GLE1: variants seen among roughly 807,000 people sequenced by gnomAD.
The protein encoded by GLE1 is GLE1 RNA export mediator.
In GLE1, 78 loss-of-function variants were observed where a neutral mutation model predicts 97.3. The observed-to-expected ratio is 0.80, with a 90% CI of 0.67 to 0.97. The LOEUF is 0.97. Ranked by LOEUF, GLE1 falls within the 50% of genes least tolerant of loss-of-function variation. The pLI, the probability that GLE1 is intolerant of heterozygous loss-of-function variation, is 0.00. For synonymous variants in GLE1, 302 were observed against 313.4 expected, an observed-to-expected ratio of 0.96 and a Z score of 0.39; for missense variants, 753 against 857.5, an observed-to-expected ratio of 0.88 and a Z score of 1.52.
chr9:128,507,245 C>G (rs1054126580), intron 1 of GLE1, among the ~76,000 whole-genome samples: 1 of 151,872 alleles, frequency 6.6e-6, no homozygotes, highest in East Asian at 1.9e-4. Flanking sequence ...GCCCATAATC[C>G]CAACACTTTG....
intron 2 of GLE1, among the ~76,000 whole-genome samples, chr9:128,509,329 A>C (rs1395398468): frequency 6.6e-6 from 1 of 151,776 alleles, no homozygotes; most frequent in Non-Finnish European, 1.5e-5. Context: ...TTTCATGAGC[A>C]ATTGGATTTT....
rs1471094660 is a variant in GLE1, at chr9:128,515,403, T to G, written c.322-126T>G. The G allele has an allele frequency of 1.4e-5, 9 of 666,120 alleles. No individual in the cohort carries two copies. The East Asian group carries it at 2.4e-4, about 18-fold the overall frequency. 41.3% of individuals were successfully genotyped at this position (666,120 alleles called of 1,614,324 possible). ...CACACTAGTTCTGACCTAAATTTTT[T>G]TTTTGCTCTTGTTATTGGTGGTTGT... On this transcript the variant is annotated intron_variant, in intron 2 of 15. Transcript: ENST00000309971.
chr9:128,522,432 G>A (rs767215607), intron 3 of GLE1, among the ~76,000 whole-genome samples: 3 of 152,020 alleles, frequency 2.0e-5, no homozygotes, highest in Non-Finnish European at 4.4e-5. Context: ...CAAGGCAGGC[G>A]GATCACAAGG....
chr9:128,512,669 G>A (rs1378538332), intron 2 of GLE1, among the ~76,000 whole-genome samples: 1 of 151,672 alleles, frequency 6.6e-6, no homozygotes, highest in African/African-American at 2.4e-5. Context: ...AAATTGCTGA[G>A]GTCTTTTTTT....
chr9:128,523,212 A>G, intron 4 of GLE1, 68 bp from the exon 5 acceptor site: 1 of 1,175,676 alleles, frequency 8.5e-7, no homozygotes, highest in Non-Finnish European at 1.3e-6. Flanking sequence ...AGAGGGAGAG[A>G]AAAGAAAGAA....
At position 128,519,888 on chromosome 9, in the gene GLE1, C is replaced by A. The variant is rs550173266; in HGVS notation, c.433-2780C>A. On this transcript the variant is annotated intron_variant, in intron 3 of 15. Transcript: ENST00000309971. ...AGCTTTAAAATTTCTCTCTTTTGTA[C>A]TCTGTCCCTTTATTTTTCAAGCTGG... Among the ~76,000 whole-genome samples the A allele has an allele frequency of 7.9e-5, 12 of 152,264 alleles. No individual in the cohort carries two copies. In the East Asian group the frequency reaches 2.3e-3, roughly 29 times the overall value.
At chr9:128,513,588 C>T (rs1386162649) in intron 2 of GLE1, among the ~76,000 whole-genome samples, 1 of 151,718 alleles carries the variant, frequency 6.6e-6, no homozygotes, top group Non-Finnish European at 1.5e-5. Context: ...CTCATGCCTA[C>T]GGTCCCAGCT....
intron 9 of GLE1, among the ~76,000 whole-genome samples, chr9:128,529,188 G>A (rs925006503): frequency 1.3e-5 from 2 of 152,202 alleles, no homozygotes; most frequent in African/African-American, 4.8e-5. Context: ...GAGGTTGACT[G>A]GACAGCCACT....
At position 128,533,845 on chromosome 9, in the gene GLE1, C is replaced by G; in HGVS notation, c.1540C>G (p.Pro514Ala). Residue 514 changes from proline to alanine, a missense_variant, in exon 11 of 16, where the codon CCC becomes GCC. By Grantham distance (27) the Pro-to-Ala change is conservative. Transcript: ENST00000309971. ...VVASGIWELHPRVGDLILAHL... is the reference protein window; with the variant it reads ...VVASGIWELHARVGDLILAHL... ...GGCATCCGGGATCTGGGAGCTCCACCCCAGAGTGGGGGACCTCATTCTTGC... is the reference window on the plus strand; with the variant it reads ...GGCATCCGGGATCTGGGAGCTCCACGCCAGAGTGGGGGACCTCATTCTTGC... 6.2e-7 allele frequency: 1 copy of G among 1,613,310 alleles called. No individual in the cohort carries two copies.
At chr9:128,536,030 A>T (rs1847697672) in intron 11 of GLE1, among the ~76,000 whole-genome samples, 2 of 151,720 alleles carry the variant, frequency 1.3e-5, no homozygotes, top group South Asian at 4.2e-4. Context: ...GTCCCAGTGA[A>T]TTTTTTCTTA....
At chr9:128,506,258 T>G (rs997758138) in intron 1 of GLE1, among the ~76,000 whole-genome samples, 5 of 152,146 alleles carry the variant, frequency 3.3e-5, no homozygotes, top group African/African-American at 1.2e-4. Context: ...GGCATGAGAA[T>G]TGCTTGAACC....
rs745697997 is a variant in GLE1 at position 128,523,593 on chromosome 9, T to C, written c.644T>C (p.Ile215Thr). Residue 215 changes from isoleucine (I) to threonine (T), a missense_variant and splice_region_variant, in exon 6 of 16, where the codon ATT becomes ACT. Ile to Thr is a moderately conservative substitution (Grantham distance 89). Transcript: ENST00000309971. ...LKAEHRHRAK[I>T]LNLKLREAEQ... Reference sequence around the variant, plus strand: ...AAGTCACTCAGCCCTTTTCTACAGATTCTCAACCTGAAGCTGCGGGAAGCA... The same window carrying C: ...AAGTCACTCAGCCCTTTTCTACAGACTCTCAACCTGAAGCTGCGGGAAGCA... 4.3e-6 allele frequency: 7 copies of C among 1,613,902 alleles called. No homozygotes were observed. The African/African-American group carries it at 9.3e-5, about 22-fold the overall frequency.
chr9:128,523,573 A>T lies in GLE1; in HGVS notation c.643-19A>T, dbSNP rs1227207144. On this transcript the variant is annotated intron_variant, in intron 5 of 15. Transcript: ENST00000309971. ...CCCAGGAACCCCTCAGAGAGAAGTC[A>T]CTCAGCCCTTTTCTACAGATTCTCA... is the stretch of plus-strand genomic sequence containing the variant. 4 of 1,613,434 alleles carry T rather than the reference A, an allele frequency of 2.5e-6. No homozygotes were observed. In the African/African-American group the frequency reaches 4.0e-5, roughly 16 times the overall value.
rs778110977 is a variant in GLE1 at position 128,522,676 on chromosome 9, G to A, written c.441G>A (p.Leu147=). The A allele has an allele frequency of 6.2e-6, 10 of 1,607,978 alleles. No homozygotes were observed. The highest frequency in any genetic ancestry group is 1.7e-4 in the Middle Eastern group (1 of 6,058). Residue 147 remains leucine (L), a synonymous_variant, in exon 4 of 16, where the codon CTG becomes CTA. Coordinates refer to ENST00000309971, the MANE Select transcript of GLE1 (RefSeq NM_001003722.2). ...LVHRMKGTEG[L]RLWQEEQERK... The stretch of plus-strand genomic sequence containing the variant: ...AAAAAAAACCTTTTCAGGAGGGCCT[G>A]AGGCTATGGCAGGAGGAGCAGGAGA...
Position 128,541,605 on chromosome 9 carries a change from CT to C in GLE1, c.*439del. On this transcript the variant is annotated 3_prime_UTR_variant, in exon 16 of 16. Coordinates refer to ENST00000309971, the MANE Select transcript of GLE1 (RefSeq NM_001003722.2). ...AAAGAGCTAAGGCTCATAAGGTTCC[CT>C]TTTAAGTATTATTTAATAGTTGAGG... 5.4e-6 allele frequency: 1 copy of C among 185,210 alleles called. No individual in the cohort carries two copies. Among genetic ancestry groups the C allele is most frequent in the Non-Finnish European group, 1.1e-5 (1 of 87,386 alleles). 11.5% of individuals were successfully genotyped at this position (185,210 alleles called of 1,614,324 possible). A position where few individuals can be genotyped will look rare whatever the true frequency, so the allele number is the denominator to read the frequency against.
intron 2 of GLE1, among the ~76,000 whole-genome samples, chr9:128,514,530 C>T (rs1846922237): frequency 6.6e-6 from 1 of 151,016 alleles, no homozygotes; most frequent in Non-Finnish European, 1.5e-5. Flanking sequence ...GCAAGCTCCA[C>T]CTCCCAGGTT....
intron 3 of GLE1, among the ~76,000 whole-genome samples, chr9:128,519,684 G>A (rs563059030): frequency 5.9e-5 from 9 of 152,230 alleles, no homozygotes; most frequent in African/African-American, 2.2e-4. Flanking sequence ...TCGCGATCTC[G>A]CCCTGCCTCC....
intron 1 of GLE1, among the ~76,000 whole-genome samples, chr9:128,507,473 C>G (rs1308195647): frequency 6.6e-6 from 1 of 151,636 alleles, no homozygotes; most frequent in Non-Finnish European, 1.5e-5. Context: ...AGTCCCTGCT[C>G]CTTGAGAGGC....
intron 3 of GLE1, among the ~76,000 whole-genome samples, chr9:128,520,380 A>G (rs1847114632): frequency 6.7e-6 from 1 of 148,316 alleles, no homozygotes; most frequent in South Asian, 2.1e-4. Context: ...GTATATATGT[A>G]TATGTGTATA....
Sources: gnomAD v4.1 joint callset for allele counts (sites outside exome capture counted in the v4.1 genomes callset) on GRCh38, gnomAD v4.1.1 for gene constraint, MANE v1.5 for transcripts, NCBI Gene and HGNC (gene_info 2026-07-23, HGNC 2026-07-21) for gene names.